GPHN: variants seen among roughly 807,000 people sequenced by gnomAD.
The protein encoded by GPHN is gephyrin.
A neutral mutation model predicts 95.5 loss-of-function variants in GPHN; 17 were observed. That is an observed-to-expected ratio of 0.18 (90% confidence interval 0.12 to 0.27). The LOEUF (loss-of-function observed/expected upper bound fraction) is 0.27. Ranked by LOEUF, GPHN falls within the 10% of genes least tolerant of loss-of-function variation. The pLI, the probability that GPHN is intolerant of heterozygous loss-of-function variation, is 1.00. For synonymous variants in GPHN, 320 were observed against 322.5 expected (o/e 0.99, Z 0.08); for missense variants, 660 against 978.1 (o/e 0.67, Z 4.34).
At chr14:67,514,571 A>G in the GPHN span, among the ~76,000 whole-genome samples, 3 of 151,968 alleles carry the variant, frequency 2.0e-5, no homozygotes, top group South Asian at 4.2e-4. Context: ...TCATTTTGGC[A>G]GCGTTCCCTT....
At chr14:67,390,811 T>G in the GPHN span, 1 of 1,110,568 alleles carries the variant, frequency 9.0e-7, no homozygotes, top group Non-Finnish European at 1.4e-6. Flanking sequence ...CCTGTATCTA[T>G]GCATGTAATG....
chr14:66,902,542 C>G (rs1334282911), intron 5 of GPHN, among the ~76,000 whole-genome samples: 1 of 151,958 alleles, frequency 6.6e-6, no homozygotes, highest in Non-Finnish European at 1.5e-5. Context: ...TATGTTCCTT[C>G]TATACTCAGT....
the GPHN span, chr14:67,383,308 T>C: frequency 1.2e-6 from 2 of 1,612,652 alleles, no homozygotes; most frequent in Admixed American, 3.3e-5. Flanking sequence ...TACCTCTGCT[T>C]CCACAGCCCA....
chr14:67,130,110 A>G lies in GPHN; in HGVS notation c.1748+7733A>G, dbSNP rs144309705. On this transcript the variant is annotated intron_variant, in intron 17 of 22. Transcript: ENST00000478722. Reference sequence around the variant, plus strand: ...TCAAATGCATTCTTTATATATTTACATATTTTCTACTTTTTAAATTTTAGA... The same window carrying G: ...TCAAATGCATTCTTTATATATTTACGTATTTTCTACTTTTTAAATTTTAGA... 8.5e-3 allele frequency among the ~76,000 whole-genome samples: 1,285 copies of G among 151,846 alleles called. 16 individuals carry two copies. The highest frequency in any genetic ancestry group is 0.031 in the South Asian group (151 of 4,796).
At chr14:67,559,502 G>A in the GPHN span, 4 of 694,768 alleles carry the variant, frequency 5.8e-6, no homozygotes, top group Non-Finnish European at 1.0e-5. Flanking sequence ...CTGGCTTTGC[G>A]AGGTCAGTGG....
chr14:66,698,558 G>C (rs1279337960), intron 2 of GPHN, among the ~76,000 whole-genome samples: 2 of 152,164 alleles, frequency 1.3e-5, no homozygotes, highest in Non-Finnish European at 2.9e-5. Context: ...TATTTTAAAA[G>C]AAATATTTTT....
At chr14:67,568,012 G>C in the GPHN span, among the ~76,000 whole-genome samples, 1 of 152,204 alleles carries the variant, frequency 6.6e-6, no homozygotes, top group Admixed American at 6.5e-5. Context: ...CTCAGGACGG[G>C]CATTCTCCCA....
chr14:67,661,253 G>A, the GPHN span, among the ~76,000 whole-genome samples: 12,253 of 123,010 alleles, frequency 0.1, 768 homozygotes, highest in East Asian at 0.28. Flanking sequence ...GGAGTCAAAG[G>A]ACTCTTGCTT....
chr14:67,004,550 T>C (rs2072469613), intron 9 of GPHN, among the ~76,000 whole-genome samples: 1 of 151,738 alleles, frequency 6.6e-6, no homozygotes, highest in Non-Finnish European at 1.5e-5. Flanking sequence ...AGAGGAAATG[T>C]CTTTGGCTTT....
At chr14:67,544,377 C>A in the GPHN span, among the ~76,000 whole-genome samples, 1 of 152,088 alleles carries the variant, frequency 6.6e-6, no homozygotes, top group Non-Finnish European at 1.5e-5. Context: ...CTGGTAGGGA[C>A]AGAAACAAAA....
chr14:67,681,474 T>A, the GPHN span, among the ~76,000 whole-genome samples: 46 of 152,260 alleles, frequency 3.0e-4, 1 homozygote, highest in African/African-American at 1.1e-3. Flanking sequence ...GACCCCTACC[T>A]CATATCATAT....
At chr14:67,536,950 A>G in the GPHN span, among the ~76,000 whole-genome samples, 10 of 141,434 alleles carry the variant, frequency 7.1e-5, no homozygotes, top group South Asian at 2.3e-4. Flanking sequence ...TGAGGCAGGA[A>G]AATTGTTTGA....
chr14:67,310,451 GGGGAT>G, the GPHN span, among the ~76,000 whole-genome samples: 1 of 152,168 alleles, frequency 6.6e-6, no homozygotes, highest in African/African-American at 2.4e-5. Flanking sequence ...TATCCTTGGA[GGGGAT>G]GGGATGGGTA....
the GPHN span, among the ~76,000 whole-genome samples, chr14:67,222,657 T>C: frequency 6.6e-6 from 1 of 152,214 alleles, no homozygotes; most frequent in Non-Finnish European, 1.5e-5. Context: ...ATCTTTAGCC[T>C]GTAACGAACT....
chr14:67,167,147 G>C (rs1245255963), intron 20 of GPHN, among the ~76,000 whole-genome samples: 1 of 152,090 alleles, frequency 6.6e-6, no homozygotes, highest in African/African-American at 2.4e-5. Flanking sequence ...AGAAAATATA[G>C]ATAAGCATAA....
chr14:67,666,655 A>G, the GPHN span, among the ~76,000 whole-genome samples: 1 of 152,204 alleles, frequency 6.6e-6, no homozygotes, highest in South Asian at 2.1e-4. Flanking sequence ...AATGAATGCT[A>G]GAGCTAGGAT....
At chr14:66,715,430 T>C (rs903088938) in intron 2 of GPHN, among the ~76,000 whole-genome samples, 4 of 152,164 alleles carry the variant, frequency 2.6e-5, no homozygotes, top group Non-Finnish European at 5.9e-5. Context: ...AAGAATCAGC[T>C]TTTTGTTTCA....
the GPHN span, among the ~76,000 whole-genome samples, chr14:67,275,552 A>G: frequency 0.16 from 23,851 of 152,106 alleles, 3,553 homozygotes; most frequent in East Asian, 0.42. Flanking sequence ...TCGCATCGAC[A>G]TTCATCAGGG....
chr14:66,688,702 C>T (rs1312419307), intron 2 of GPHN, among the ~76,000 whole-genome samples: 1 of 152,014 alleles, frequency 6.6e-6, no homozygotes, highest in African/African-American at 2.4e-5. Context: ...TTTCTCTTGC[C>T]TAATTGTTAT....
Sources: allele counts gnomAD v4.1 joint callset (sites outside exome capture counted in the v4.1 genomes callset), GRCh38; gene constraint gnomAD v4.1.1; transcripts MANE v1.5; gene names NCBI Gene and HGNC (gene_info 2026-07-23, HGNC 2026-07-21).